Variants in CNTRL observed in about 807,000 individuals in gnomAD.
CNTRL encodes 110 kDa centrosomal protein.
In CNTRL, 233 loss-of-function variants were observed where a neutral mutation model predicts 303.7. The ratio of observed to expected loss-of-function variants is 0.77; its 90% CI spans 0.69 to 0.86. The LOEUF is 0.86. CNTRL is among the 40% of genes least tolerant of loss of function. CNTRL has a pLI of 0.00. For missense variants in CNTRL, 2,524 were observed against 2,650.6 expected (o/e 0.95, Z 1.05); for synonymous variants, 900 against 922.2 (o/e 0.98, Z 0.44).
At chr9:121,113,792 GT>G in intron 10 of CNTRL, 68 bp downstream of exon 10, 1 of 1,052,446 alleles carries the variant, frequency 9.5e-7, no homozygotes, top group Non-Finnish European at 1.3e-6. Flanking sequence ...GGCCAATTTT[GT>G]TTTATAAGTC....
chr9:121,096,696 T>C (rs2048906827), intron 6 of CNTRL, 133 bp downstream of exon 6: 1 of 610,932 alleles, frequency 1.6e-6, no homozygotes, highest in East Asian at 3.3e-5. Context: ...GATTCAGACA[T>C]AGCCCATGAT....
intron 8 of CNTRL, among the ~76,000 whole-genome samples, chr9:121,110,571 G>T (rs151332825): frequency 2.8e-4 from 42 of 152,184 alleles, no homozygotes; most frequent in Admixed American, 2.2e-3. Context: ...CTTCCTTAAA[G>T]GTAGTTCTTC....
At chr9:121,095,135 C>T in intron 5 of CNTRL, 117 bp downstream of exon 5, 1 of 763,436 alleles carries the variant, frequency 1.3e-6, no homozygotes, top group South Asian at 2.1e-5. Context: ...ATATTTTTAT[C>T]TTTATTCATC....
intron 6 of CNTRL, among the ~76,000 whole-genome samples, chr9:121,097,640 G>A (rs918168804): frequency 1.3e-5 from 2 of 152,204 alleles, no homozygotes; most frequent in Non-Finnish European, 2.9e-5. Flanking sequence ...CCTTGGGGCT[G>A]TTGATGCTAT....
rs2052336224 is a variant in CNTRL, at chr9:121,152,552, G to A, written c.4031G>A (p.Trp1344Ter). Reference protein sequence around the residue: ...HLKSKKREERWMRASKRQSEK... With the variant: ...HLKSKKREER ...AAATCAAAGAAGCGGGAAGAAAGGT[G>A]GATGAGAGCATCCAAGCGGCAGTCG... The change falls in exon 26 of 44, where the codon TGG becomes TAG. Residue 1344 changes from tryptophan to a stop codon, truncating the protein, a stop_gained. Coordinates refer to ENST00000373855, the MANE Select transcript of CNTRL (RefSeq NM_007018.6). LOFTEE classifies it high-confidence loss of function. 1 of 1,614,046 alleles carries A rather than the reference G, an allele frequency of 6.2e-7. No homozygotes were observed. Among genetic ancestry groups the A allele is most frequent in the Admixed American group, 1.7e-5 (1 of 60,010 alleles).
At chr9:121,136,701 G>A (rs11794771) in intron 15 of CNTRL, among the ~76,000 whole-genome samples, 97 of 152,308 alleles carry the variant, frequency 6.4e-4, no homozygotes, top group Non-Finnish European at 1.2e-3. Flanking sequence ...ATACTTGCAA[G>A]TTACAGAAAA....
intron 12 of CNTRL, chr9:121,121,814 G>C: frequency 1.0e-6 from 1 of 985,450 alleles, no homozygotes; most frequent in South Asian, 4.7e-5. Context: ...AAGTTACAGA[G>C]GCTCGGAGGC....
rs1248991675 is a variant in CNTRL at position 121,144,834 on chromosome 9, TC to T, written c.3052-6del. The T allele has an allele frequency of 6.2e-7, 1 of 1,606,534 alleles. No homozygotes were observed. Among genetic ancestry groups the T allele is most frequent in the Non-Finnish European group, 8.5e-7 (1 of 1,174,108 alleles). Reference sequence around the variant, plus strand: ...CAGTGGTGCCTTTCTCATACTTCTGTCCCAGTAGGAGTTGCAGGAAGCAGAG... The same window carrying T: ...CAGTGGTGCCTTTCTCATACTTCTGTCCAGTAGGAGTTGCAGGAAGCAGAG... On this transcript the variant is annotated splice_region_variant and splice_polypyrimidine_tract_variant and intron_variant, in intron 20 of 43. Coordinates refer to ENST00000373855, the MANE Select transcript of CNTRL (RefSeq NM_007018.6).
chr9:121,158,162 A>G, intron 30 of CNTRL, 53 bp downstream of exon 30: 1 of 1,585,558 alleles, frequency 6.3e-7, no homozygotes, highest in Non-Finnish European at 8.6e-7. Context: ...TTATGATTAT[A>G]AAAGTAATAC....
In CNTRL at chr9:121,090,382, A is replaced by G. The variant is rs1199600325; in HGVS notation, c.325A>G (p.Lys109Glu). The change falls in exon 4 of 44, where the codon AAA becomes GAA. Residue 109 changes from lysine (K) to glutamate (E), a missense_variant. Coordinates refer to ENST00000373855, the MANE Select transcript of CNTRL (RefSeq NM_007018.6). ...LIKSLNLSLS[K>E]DGGKKFKYIE... ...AAAATCTCTGAACCTTTCACTTTCT[A>G]AAGACGGTGGCAAGAAATTTAAGGT... 2 of 1,611,222 alleles carry G rather than the reference A, an allele frequency of 1.2e-6. No individual in the cohort carries two copies. The highest frequency in any genetic ancestry group is 1.1e-5 in the South Asian group (1 of 90,426).
At chr9:121,075,300 C>A (rs917241964) in intron 1 of CNTRL, among the ~76,000 whole-genome samples, 1 of 150,484 alleles carries the variant, frequency 6.6e-6, no homozygotes, top group Non-Finnish European at 1.5e-5. Context: ...GTGGGGACGG[C>A]GGGGGCGATT....
chr9:121,128,567 A>G (rs546890817), intron 14 of CNTRL, among the ~76,000 whole-genome samples: 30 of 152,268 alleles, frequency 2.0e-4, no homozygotes, highest in Middle Eastern at 3.4e-3. Context: ...GCAGATTGCA[A>G]AAATTTTCTC....
chr9:121,097,148 A>G (rs1049981665), intron 6 of CNTRL, among the ~76,000 whole-genome samples: 1 of 152,168 alleles, frequency 6.6e-6, no homozygotes, highest in Non-Finnish European at 1.5e-5. Context: ...TGATTTTCTT[A>G]TGGTATTTAT....
chr9:121,090,557 C>T, intron 4 of CNTRL, 152 bp downstream of exon 4: 1 of 714,098 alleles, frequency 1.4e-6, no homozygotes, highest in Non-Finnish European at 2.2e-6. Context: ...TATGACATTT[C>T]CAAATTAATA....
intron 24 of CNTRL, 105 bp downstream of exon 24, chr9:121,148,966 C>T: frequency 9.8e-7 from 1 of 1,021,512 alleles, no homozygotes; most frequent in Non-Finnish European, 1.4e-6. Flanking sequence ...TTAGCTAGCT[C>T]CATGAGGTCT....
intron 8 of CNTRL, among the ~76,000 whole-genome samples, chr9:121,108,665 C>T (rs1044014808): frequency 1.3e-5 from 2 of 151,946 alleles, no homozygotes; most frequent in African/African-American, 2.4e-5. Flanking sequence ...CAGGCGCCAT[C>T]GCTCATGCCT....
Position 121,135,934 on chromosome 9 carries a change from A to G in CNTRL, c.2154A>G (p.Glu718=). ...CTCGGCTAAACCTAAGGGATGCTGA[A>G]GCCAACCAGCTCAAGGAAGAGTTGG... The part of the protein sequence containing the change: ...LEARLNLRDA[E]ANQLKEELEK... The change falls in exon 15 of 44, where the codon GAA becomes GAG. Residue 718 remains glutamate (E), a synonymous_variant. Transcript: ENST00000373855. The G allele has an allele frequency of 6.2e-7, 1 of 1,613,666 alleles. No homozygotes were observed. Among genetic ancestry groups the G allele is most frequent in the Non-Finnish European group, 8.5e-7 (1 of 1,179,644 alleles).
At position 121,146,095 on chromosome 9, in the gene CNTRL, CTT is replaced by C. The variant is rs773352561; in HGVS notation, c.3311-10_3311-9del. On this transcript the variant is annotated splice_polypyrimidine_tract_variant and intron_variant, in intron 22 of 43. Transcript: ENST00000373855. ...ATTTCATATCAATTTCATAGAATGA[CTT>C]TTCTTTACAGACAACAAAGGAGGCT... 3 of 1,584,342 alleles carry C rather than the reference CTT, an allele frequency of 1.9e-6. No individual in the cohort carries two copies. The highest frequency in any genetic ancestry group is 2.6e-6 in the Non-Finnish European group (3 of 1,168,540).
chr9:121,138,066 A>G (rs1323594757), intron 15 of CNTRL, among the ~76,000 whole-genome samples: 1 of 152,192 alleles, frequency 6.6e-6, no homozygotes. Context: ...CTCACTTGTG[A>G]TGCTTGATAA....
Sources: gnomAD v4.1 joint callset for allele counts (sites outside exome capture counted in the v4.1 genomes callset) on GRCh38, gnomAD v4.1.1 for gene constraint, MANE v1.5 for transcripts, NCBI Gene and HGNC (gene_info 2026-07-23, HGNC 2026-07-21) for gene names.